The following TYW1 variants were observed in gnomAD, a reference collection of about 807,000 sequenced individuals.
TYW1 encodes the protein S-adenosyl-L-methionine-dependent tRNA 4-demethylwyosine synthase TYW1.
In TYW1, 46 loss-of-function variants were observed where a neutral mutation model predicts 96.2. That is an observed-to-expected ratio of 0.48 (90% CI 0.38 to 0.61). The LOEUF (loss-of-function observed/expected upper bound fraction) is 0.61, where lower values mean the gene tolerates loss of function less well. Among genes scored for constraint, TYW1 ranks in the 20% least tolerant of loss-of-function variants. The pLI is 0.00. For missense variants in TYW1, 684 were observed against 909.6 expected (o/e 0.75, Z 3.19); for synonymous variants, 274 against 323.0 (o/e 0.85, Z 1.63).
Position 67,224,340 on chromosome 7 carries a change from C to T in TYW1, c.1978-13968C>T, listed in dbSNP as rs547761792. Among the ~76,000 whole-genome samples the T allele has an allele frequency of 1.5e-3, 226 of 152,266 alleles. 1 individual carries two copies. Among genetic ancestry groups the T allele is most frequent in the Non-Finnish European group, 2.4e-3 (166 of 68,010 alleles). On this transcript the variant is annotated intron_variant, in intron 15 of 15. Transcript: ENST00000359626. ...TGGGGTTTCACCATGTTGGTCAGGC[C>T]GGTCTTGAACTCCTGATCTCAAGTG...
intron 7 of TYW1, among the ~76,000 whole-genome samples, chr7:67,046,894 A>G (rs1327759895): frequency 6.6e-6 from 1 of 152,164 alleles, no homozygotes; most frequent in East Asian, 1.9e-4. Context: ...AGGGACAGGG[A>G]CAGTATTCCA....
chr7:67,149,772 A>ATCTG (rs757104825), intron 13 of TYW1, among the ~76,000 whole-genome samples: 1 of 82,882 alleles, frequency 1.2e-5, no homozygotes, highest in Non-Finnish European at 2.5e-5. Flanking sequence ...CTATCTATCT[A>ATCTG]TCTCTCTATG....
chr7:67,101,022 A>G (rs1797070991), intron 12 of TYW1, among the ~76,000 whole-genome samples: 1 of 152,158 alleles, frequency 6.6e-6, no homozygotes, highest in East Asian at 1.9e-4. Flanking sequence ...TGAGTTTATC[A>G]GAAGCCTGTA....
intron 12 of TYW1, among the ~76,000 whole-genome samples, chr7:67,113,242 C>A (rs1290407475): frequency 1.2e-5 from 1 of 81,894 alleles, no homozygotes; most frequent in Non-Finnish European, 2.5e-5. Flanking sequence ...GTGGGACTCT[C>A]ATCCATCTTC....
At chr7:67,042,678 G>A (rs945584755) in intron 7 of TYW1, among the ~76,000 whole-genome samples, 1 of 152,060 alleles carries the variant, frequency 6.6e-6, no homozygotes, top group African/African-American at 2.4e-5. Flanking sequence ...GGTGTGGGGA[G>A]AGAGGAGAGT....
intron 12 of TYW1, among the ~76,000 whole-genome samples, chr7:67,113,712 C>T (rs1797503045): frequency 6.6e-6 from 1 of 151,146 alleles, no homozygotes; most frequent in Admixed American, 6.6e-5. Context: ...AATCTTGGCT[C>T]ATGCAGCCTC....
At chr7:67,097,716 CAG>C (rs979279923) in intron 11 of TYW1, among the ~76,000 whole-genome samples, 21 of 148,598 alleles carry the variant, frequency 1.4e-4, no homozygotes, top group African/African-American at 5.0e-4. Context: ...TTTTTTGAGA[CAG>C]GCCTTGCTCT....
At chr7:67,005,845 G>A (rs555317455) in intron 3 of TYW1, among the ~76,000 whole-genome samples, 2 of 152,230 alleles carry the variant, frequency 1.3e-5, no homozygotes, top group South Asian at 4.1e-4. Context: ...TCCTACACGT[G>A]TGGCTCTTTG....
chr7:67,036,150 A>C (rs1794836546), intron 7 of TYW1, among the ~76,000 whole-genome samples: 1 of 149,428 alleles, frequency 6.7e-6, no homozygotes. Context: ...AATGAGTCTA[A>C]AAGTCTGAGC....
At chr7:67,180,703 T>C (rs924995424) in intron 13 of TYW1, among the ~76,000 whole-genome samples, 3 of 151,998 alleles carry the variant, frequency 2.0e-5, no homozygotes, top group African/African-American at 7.2e-5. Context: ...AGTGCAGTGG[T>C]GCAGTCTTGG....
intron 12 of TYW1, among the ~76,000 whole-genome samples, chr7:67,105,499 A>T (rs4717348): frequency 6.6e-6 from 1 of 152,170 alleles, no homozygotes. Flanking sequence ...TGAAAAACCA[A>T]GAGGTTTTAC....
chr7:67,006,099 C>A (rs1793575746), intron 3 of TYW1, among the ~76,000 whole-genome samples: 1 of 152,164 alleles, frequency 6.6e-6, no homozygotes, highest in African/African-American at 2.4e-5. Context: ...TACGTCGGAT[C>A]GTAGTCCCAT....
intron 5 of TYW1, among the ~76,000 whole-genome samples, chr7:67,017,183 G>A (rs146165237): frequency 0.017 from 2,574 of 151,820 alleles, 72 homozygotes; most frequent in African/African-American, 0.058. Flanking sequence ...GGGTCTCACC[G>A]TGTTGGCCAG....
At chr7:67,165,729 A>G (rs1799300735) in intron 13 of TYW1, among the ~76,000 whole-genome samples, 1 of 152,082 alleles carries the variant, frequency 6.6e-6, no homozygotes, top group South Asian at 2.1e-4. Flanking sequence ...GGTATTTGAG[A>G]CCAGCCTGGG....
intron 6 of TYW1, among the ~76,000 whole-genome samples, chr7:67,024,475 A>T (rs544785157): frequency 2.0e-5 from 3 of 151,846 alleles, no homozygotes; most frequent in Admixed American, 2.0e-4. Context: ...CCTAGATTTT[A>T]TTTTTAAAGT....
intron 5 of TYW1, 107 bp downstream of exon 5, chr7:67,014,668 C>A: frequency 7.7e-7 from 1 of 1,295,270 alleles, no homozygotes; most frequent in Non-Finnish European, 1.0e-6. Context: ...CATAAACACA[C>A]ATGTATGTGA....
chr7:67,180,046 C>T lies in TYW1; in HGVS notation c.1699-3080C>T, dbSNP rs1218219237. On this transcript the variant is annotated intron_variant, in intron 13 of 15. Transcript: ENST00000359626. ...CTCTTTATGTTGCCCAGGCTGGTCT[C>T]GAATTCCTGGCCTCAAGTAATCCTC... Among the ~76,000 whole-genome samples the T allele has an allele frequency of 7.0e-5, 9 of 129,444 alleles. 1 individual carries two copies. The highest frequency in any genetic ancestry group is 1.1e-4 in the Non-Finnish European group (7 of 61,714). The allele number at this position is 129,444 out of a possible 152,430, so 84.9% of individuals were successfully genotyped here. A position where few individuals can be genotyped will look rare whatever the true frequency, so the allele number is the denominator to read the frequency against.
intron 13 of TYW1, among the ~76,000 whole-genome samples, chr7:67,162,390 G>A (rs942912547): frequency 1.3e-5 from 2 of 151,928 alleles, no homozygotes; most frequent in African/African-American, 4.8e-5. Flanking sequence ...TAATTTTCCA[G>A]GGAGGGAGTA....
At chr7:67,101,992 C>T (rs1164825905) in intron 12 of TYW1, among the ~76,000 whole-genome samples, 3 of 152,048 alleles carry the variant, frequency 2.0e-5, no homozygotes, top group Admixed American at 1.3e-4. Context: ...TGTTTTTAAA[C>T]TTTAGTTGGG....
Sources: allele counts gnomAD v4.1 joint callset (sites outside exome capture counted in the v4.1 genomes callset), GRCh38; gene constraint gnomAD v4.1.1; transcripts MANE v1.5; gene names NCBI Gene and HGNC (gene_info 2026-07-23, HGNC 2026-07-21).